The following TTLL13 variants were observed in gnomAD, a reference collection of about 807,000 sequenced individuals.
TTLL13 encodes the protein tubulin polyglutamylase TTLL13.
the TTLL13 span, among the ~76,000 whole-genome samples, chr15:90,259,641 C>A: frequency 6.6e-6 from 1 of 152,202 alleles, no homozygotes; most frequent in African/African-American, 2.4e-5. Flanking sequence ...ATTTTAGAGC[C>A]ATTCTCATGT....
chr15:90,256,689 CCTCT>C, the TTLL13 span, among the ~76,000 whole-genome samples: 11 of 149,444 alleles, frequency 7.4e-5, no homozygotes, highest in East Asian at 1.9e-4. Context: ...TTTCTCTCTA[CCTCT>C]CTCTCTCTTT....
the TTLL13 span, chr15:90,263,219 A>G: frequency 7.6e-7 from 1 of 1,313,866 alleles, no homozygotes. Context: ...TGTTGGTCTC[A>G]ACAAAGGAGG....
chr15:90,263,192 G>C, the TTLL13 span: 1 of 1,454,536 alleles, frequency 6.9e-7, no homozygotes, highest in South Asian at 1.3e-5. Flanking sequence ...AACAAGGGCT[G>C]TCATTCCAGG....
chr15:90,257,599 GCAGA>G, the TTLL13 span: 1 of 1,593,700 alleles, frequency 6.3e-7, no homozygotes, highest in South Asian at 1.1e-5. Flanking sequence ...ACGGCCGCAT[GCAGA>G]CAGTCTGAGA....
At chr15:90,260,570 C>G in the TTLL13 span, among the ~76,000 whole-genome samples, 1 of 151,396 alleles carries the variant, frequency 6.6e-6, no homozygotes, top group Non-Finnish European at 1.5e-5. Flanking sequence ...AGCAAGCAAG[C>G]GGCCAGGTGC....
chr15:90,262,147 C>T, the TTLL13 span: 2 of 1,535,742 alleles, frequency 1.3e-6, no homozygotes, highest in Non-Finnish European at 1.7e-6. Context: ...ATGGCTCCCT[C>T]TTCCAAGAGA....
the TTLL13 span, chr15:90,256,359 T>G: frequency 1.2e-6 from 2 of 1,602,106 alleles, no homozygotes; most frequent in Non-Finnish European, 1.7e-6. Context: ...GCCTCATCTC[T>G]CCCAAAAGCC....
the TTLL13 span, among the ~76,000 whole-genome samples, chr15:90,259,710 CT>C: frequency 2.6e-5 from 4 of 152,160 alleles, no homozygotes; most frequent in Admixed American, 2.0e-4. Context: ...AACAAATCTC[CT>C]TTAGAAACCA....
the TTLL13 span, chr15:90,249,947 T>TTTTATTTATTTATTTATTTATTTATTTA: frequency 6.8e-6 from 1 of 147,574 alleles, no homozygotes; most frequent in Non-Finnish European, 1.5e-5. Context: ...CTGTATTTTA[T>TTTTATTTATTTATTTATTTATTTATTTA]TTTATTTATT....
the TTLL13 span, among the ~76,000 whole-genome samples, chr15:90,251,114 C>CTTTTTTT: frequency 6.7e-5 from 7 of 104,670 alleles, 1 homozygote; most frequent in East Asian, 7.1e-4. Context: ...CCTGGTCTGT[C>CTTTTTTT]TTTTTTTTTT....
At chr15:90,251,301 T>G in the TTLL13 span, among the ~76,000 whole-genome samples, 1 of 146,026 alleles carries the variant, frequency 6.8e-6, no homozygotes, top group African/African-American at 2.5e-5. Context: ...TTTTTTTGTA[T>G]TTTTAGTAGA....
At chr15:90,256,602 TTTC>T in the TTLL13 span, among the ~76,000 whole-genome samples, 6 of 29,124 alleles carry the variant, frequency 2.1e-4, no homozygotes, top group Admixed American at 9.7e-4. Context: ...TCTTTCTTTC[TTTC>T]TTTCCTTCCT....
the TTLL13 span, among the ~76,000 whole-genome samples, chr15:90,255,476 C>T: frequency 6.6e-6 from 1 of 152,186 alleles, no homozygotes; most frequent in Non-Finnish European, 1.5e-5. Flanking sequence ...AGAAGGTGGA[C>T]TGTGGAAGCC....
At chr15:90,261,208 A>G in the TTLL13 span, among the ~76,000 whole-genome samples, 2 of 150,640 alleles carry the variant, frequency 1.3e-5, no homozygotes, top group Non-Finnish European at 2.9e-5. Context: ...CCTCCCAAGT[A>G]GCTGGGACTA....
chr15:90,256,613 CCT>C, the TTLL13 span, among the ~76,000 whole-genome samples: 10 of 48,234 alleles, frequency 2.1e-4, no homozygotes, highest in African/African-American at 1.1e-3. Flanking sequence ...TTCTTTCCTT[CCT>C]TCCTTCCTTC....
chr15:90,264,783 C>T, the TTLL13 span: 2 of 1,536,124 alleles, frequency 1.3e-6, no homozygotes, highest in Non-Finnish European at 1.7e-6. Context: ...GTGCCACCCA[C>T]TTTAACCCCA....
chr15:90,263,943 G>A, the TTLL13 span: 4 of 1,530,102 alleles, frequency 2.6e-6, no homozygotes, highest in Non-Finnish European at 3.5e-6. Flanking sequence ...GGTACCATCT[G>A]CAGCCCAAGA....
At chr15:90,265,328 A>G in the TTLL13 span, 1 of 1,219,352 alleles carries the variant, frequency 8.2e-7, no homozygotes, top group Non-Finnish European at 1.0e-6. Context: ...CCGAGTGCCC[A>G]AGGCACTGGG....
At chr15:90,256,545 T>TTTTCTTTCTTTCTCTTTCTTTC in the TTLL13 span, among the ~76,000 whole-genome samples, 1 of 105,392 alleles carries the variant, frequency 9.5e-6, no homozygotes, top group African/African-American at 3.2e-5. Flanking sequence ...TCTCCTTCCT[T>TTTTCTTTCTTTCTCTTTCTTTC]TTTCTTTCTT....
Sources: allele counts gnomAD v4.1 joint callset (sites outside exome capture counted in the v4.1 genomes callset), GRCh38; gene constraint gnomAD v4.1.1; transcripts MANE v1.5; gene names NCBI Gene and HGNC (gene_info 2026-07-23, HGNC 2026-07-21).